Variants in CSMD3 observed in about 807,000 individuals in gnomAD.
The protein encoded by CSMD3 is CUB and Sushi multiple domains 3, also known as CUB and sushi domain-containing protein 3.
CSMD3 carries 177 observed loss-of-function variants against 435.2 expected under a neutral mutation model. That is an observed-to-expected ratio of 0.41 (90% CI 0.36 to 0.46). CSMD3 has a LOEUF of 0.46. Ranked by LOEUF, CSMD3 falls within the 20% of genes least tolerant of loss-of-function variation. CSMD3 has a pLI of 0.34. For missense variants in CSMD3, 4,265 were observed against 4,504.6 expected (o/e 0.95, Z 1.52); for synonymous variants, 1,656 against 1,520.5 (o/e 1.09, Z -2.07).
intron 32 of CSMD3, among the ~76,000 whole-genome samples, chr8:112,446,293 A>C (rs1815600820): frequency 6.6e-6 from 1 of 152,180 alleles, no homozygotes; most frequent in South Asian, 2.1e-4. Context: ...CCAAAGCATC[A>C]AAAATATTGT....
At chr8:113,287,988 ATT>A (rs1347470537) in intron 2 of CSMD3, among the ~76,000 whole-genome samples, 1 of 151,860 alleles carries the variant, frequency 6.6e-6, no homozygotes. Context: ...CTACCAGCCT[ATT>A]AATGAAATTT....
At chr8:112,866,511 T>C (rs1449168464) in intron 10 of CSMD3, among the ~76,000 whole-genome samples, 3 of 152,156 alleles carry the variant, frequency 2.0e-5, no homozygotes, top group Non-Finnish European at 4.4e-5. Context: ...TGCTGACATA[T>C]GTGACATGGA....
intron 7 of CSMD3, among the ~76,000 whole-genome samples, chr8:112,957,641 G>C (rs2084075092): frequency 6.6e-6 from 1 of 152,098 alleles, no homozygotes; most frequent in Non-Finnish European, 1.5e-5. Context: ...AATAGAGACG[G>C]AGTTTAGCCG....
At chr8:112,624,503 G>T (rs1393324308) in intron 22 of CSMD3, among the ~76,000 whole-genome samples, 1 of 152,078 alleles carries the variant, frequency 6.6e-6, no homozygotes, top group Non-Finnish European at 1.5e-5. Flanking sequence ...TTAGCCATGA[G>T]ATCTGGAAGA....
At chr8:113,391,009 C>G (rs529812205) in intron 1 of CSMD3, among the ~76,000 whole-genome samples, 13 of 151,988 alleles carry the variant, frequency 8.6e-5, no homozygotes, top group Non-Finnish European at 1.8e-4. Flanking sequence ...TGGGAAAGCA[C>G]CTTGATTTAT....
intron 16 of CSMD3, among the ~76,000 whole-genome samples, chr8:112,675,884 T>C (rs1325797129): frequency 6.6e-6 from 1 of 152,058 alleles, no homozygotes; most frequent in Non-Finnish European, 1.5e-5. Context: ...GGGACCAAGA[T>C]GTCAGCAGTG....
At chr8:112,453,100 C>T (rs1182310819) in intron 32 of CSMD3, among the ~76,000 whole-genome samples, 4 of 152,088 alleles carry the variant, frequency 2.6e-5, no homozygotes, top group Non-Finnish European at 4.4e-5. Flanking sequence ...AAAACTTGAA[C>T]AAGTAACTTT....
chr8:113,230,858 T>C (rs946045065), intron 3 of CSMD3, among the ~76,000 whole-genome samples: 4 of 151,562 alleles, frequency 2.6e-5, no homozygotes, highest in African/African-American at 9.7e-5. Context: ...TACTTTTTTA[T>C]ATGGACATAA....
chr8:113,411,892 C>T (rs1289632663), intron 1 of CSMD3, among the ~76,000 whole-genome samples: 2 of 152,046 alleles, frequency 1.3e-5, no homozygotes, highest in Admixed American at 6.6e-5. Context: ...GCAAAATTTT[C>T]TTATCTTCAG....
chr8:112,763,100 CTACATTCAT>C (rs1203013377), intron 13 of CSMD3, among the ~76,000 whole-genome samples: 1 of 151,682 alleles, frequency 6.6e-6, no homozygotes, highest in African/African-American at 2.4e-5. Context: ...TATTAATTAC[CTACATTCAT>C]TCATTCCACA....
intron 2 of CSMD3, among the ~76,000 whole-genome samples, chr8:113,279,788 G>A (rs2093599647): frequency 6.6e-6 from 1 of 151,660 alleles, no homozygotes. Flanking sequence ...ACTCAGTTAT[G>A]AGTCTAATTA....
At chr8:112,551,110 G>T (rs369421694) in intron 26 of CSMD3, among the ~76,000 whole-genome samples, 104 of 151,964 alleles carry the variant, frequency 6.8e-4, no homozygotes, top group African/African-American at 2.5e-3. Context: ...GAAACTTCAG[G>T]CATACATTCT....
rs147100025 is a variant in CSMD3 at position 112,332,734 on chromosome 8, T to A, written c.7165+2595A>T. Among the ~76,000 whole-genome samples the A allele has an allele frequency of 2.4e-3, 364 of 152,276 alleles. 1 individual carries two copies. The highest frequency in any genetic ancestry group is 3.8e-3 in the Non-Finnish European group (260 of 68,016). On this transcript the variant is annotated intron_variant, in intron 45 of 70. Coordinates refer to ENST00000297405, the MANE Select transcript of CSMD3 (RefSeq NM_198123.2). ...GCTCTGGCAATTTTTTTGCACCTTA[T>A]TATAAAATCTAATGAATAAATGTCC...
chr8:112,395,800 G>A (rs1830811214), intron 35 of CSMD3, among the ~76,000 whole-genome samples: 1 of 152,138 alleles, frequency 6.6e-6, no homozygotes, highest in Non-Finnish European at 1.5e-5. Context: ...TTTAAGAAAT[G>A]TGAAATGTAA....
intron 5 of CSMD3, among the ~76,000 whole-genome samples, chr8:113,040,103 A>G (rs2087541707): frequency 6.6e-6 from 1 of 152,182 alleles, no homozygotes; most frequent in South Asian, 2.1e-4. Context: ...TAGAGGTCTG[A>G]GAAAGACCTG....
At chr8:112,389,904 C>T (rs1162527143) in intron 36 of CSMD3, among the ~76,000 whole-genome samples, 2 of 152,078 alleles carry the variant, frequency 1.3e-5, no homozygotes, top group African/African-American at 2.4e-5. Context: ...AATAGCAGCC[C>T]CCAAAATAGC....
At chr8:112,235,333 G>A (rs531205616) in intron 67 of CSMD3, among the ~76,000 whole-genome samples, 4 of 152,132 alleles carry the variant, frequency 2.6e-5, no homozygotes, top group African/African-American at 7.2e-5. Context: ...GCAGTGAGCC[G>A]AGATGGCACC....
In CSMD3 at chr8:112,743,862, C is replaced by T. The variant is rs181395876; in HGVS notation, c.1973-53812G>A. Among the ~76,000 whole-genome samples the T allele has an allele frequency of 2.0e-5, 3 of 152,014 alleles. No individual in the cohort carries two copies. The East Asian group carries it at 5.8e-4, about 29-fold the overall frequency. On this transcript the variant is annotated intron_variant, in intron 13 of 70. Transcript: ENST00000297405. ...GGAATATGCCAAGTAAGACAATTGC[C>T]TCTCACTGGTGCCAGGATATTTCAT...
chr8:112,458,328 A>T lies in CSMD3; in HGVS notation c.5395+14263T>A, dbSNP rs1438760327. 2.0e-5 allele frequency among the ~76,000 whole-genome samples: 3 copies of T among 151,894 alleles called. No homozygotes were observed. In the East Asian group the frequency reaches 5.8e-4, roughly 29 times the overall value. ...AATATTTTTTAAACCCCATGTTTCCAAATTTTGCTGGACTTTATGTCCCTG... is the reference window on the plus strand; with the variant it reads ...AATATTTTTTAAACCCCATGTTTCCTAATTTTGCTGGACTTTATGTCCCTG... On this transcript the variant is annotated intron_variant, in intron 32 of 70. Coordinates refer to ENST00000297405, the MANE Select transcript of CSMD3 (RefSeq NM_198123.2).
Sources: gnomAD v4.1 joint callset for allele counts (sites outside exome capture counted in the v4.1 genomes callset) on GRCh38, gnomAD v4.1.1 for gene constraint, MANE v1.5 for transcripts, NCBI Gene and HGNC (gene_info 2026-07-23, HGNC 2026-07-21) for gene names.